The following PDE1C variants were observed in gnomAD, a reference collection of about 807,000 sequenced individuals.
PDE1C encodes the protein phosphodiesterase 1C.
PDE1C carries 62 observed loss-of-function variants against 93.1 expected under a neutral mutation model. The observed-to-expected ratio is 0.67, with a 90% CI of 0.54 to 0.82. The LOEUF (loss-of-function observed/expected upper bound fraction) is 0.82, where lower values mean the gene tolerates loss of function less well. Among genes scored for constraint, PDE1C ranks in the 40% least tolerant of loss-of-function variants. The pLI is 0.00. For missense variants in PDE1C, 742 were observed against 884.6 expected (o/e 0.84, Z 2.04); for synonymous variants, 325 against 310.1 (o/e 1.05, Z -0.50).
chr7:32,109,775 T>C (rs1019150735), intron 3 of PDE1C, among the ~76,000 whole-genome samples: 8 of 119,012 alleles, frequency 6.7e-5, no homozygotes, highest in African/African-American at 9.5e-5. Flanking sequence ...TTCATTTCAT[T>C]TCTTTTCTTT....
At chr7:31,967,229 G>A (rs1395368479) in intron 2 of PDE1C, among the ~76,000 whole-genome samples, 3 of 152,018 alleles carry the variant, frequency 2.0e-5, no homozygotes, top group Admixed American at 6.6e-5. Context: ...TAATAAAGAA[G>A]AAAAGAGAGA....
chr7:32,391,802 G>A (rs111708137), intron 1 of PDE1C, among the ~76,000 whole-genome samples: 28 of 152,078 alleles, frequency 1.8e-4, no homozygotes, highest in Non-Finnish European at 3.4e-4. Context: ...GAAAATGAAA[G>A]CATACTATAT....
rs1449599721 is a variant in PDE1C, at chr7:31,965,672, T to C, written c.129-84812A>G. 2.0e-5 allele frequency among the ~76,000 whole-genome samples: 3 copies of C among 151,988 alleles called. No individual in the cohort carries two copies. In the East Asian group the frequency reaches 5.8e-4, roughly 29 times the overall value. On this transcript the variant is annotated intron_variant, in intron 2 of 17. Transcript: ENST00000396191. ...ACATAATTGTCAGATTCACCAAAGA[T>C]GAAATGAAAGAAAAAATGTTAAGGG...
intron 2 of PDE1C, among the ~76,000 whole-genome samples, chr7:32,024,539 C>A (rs1477416849): frequency 6.6e-6 from 1 of 151,978 alleles, no homozygotes; most frequent in Non-Finnish European, 1.5e-5. Context: ...CTTAATTCCT[C>A]ACTCTCTTAC....
chr7:32,113,321 TTA>T (rs1187040105), intron 3 of PDE1C, among the ~76,000 whole-genome samples: 7 of 143,566 alleles, frequency 4.9e-5, no homozygotes, highest in South Asian at 2.2e-4. Context: ...TATATAAATA[TTA>T]TATATATATA....
chr7:32,083,726 C>T (rs1177465833), intron 3 of PDE1C, among the ~76,000 whole-genome samples: 1 of 151,902 alleles, frequency 6.6e-6, no homozygotes, highest in African/African-American at 2.4e-5. Context: ...AATTTTCAAC[C>T]CAGAATTTCA....
At chr7:31,854,706 AG>A (rs1793777868) in intron 7 of PDE1C, among the ~76,000 whole-genome samples, 1 of 152,300 alleles carries the variant, frequency 6.6e-6, no homozygotes, top group Admixed American at 6.5e-5. Flanking sequence ...TGTGAATGAT[AG>A]AGTTTCTTTA....
At chr7:31,790,232 C>T in intron 16 of PDE1C, 1 of 1,612,590 alleles carries the variant, frequency 6.2e-7, no homozygotes, top group East Asian at 2.2e-5. Flanking sequence ...CTTTTATTGT[C>T]TATGAGGTCT....
chr7:32,020,094 C>T (rs763398822), intron 2 of PDE1C, among the ~76,000 whole-genome samples: 4 of 152,026 alleles, frequency 2.6e-5, no homozygotes, highest in African/African-American at 9.7e-5. Context: ...GAGCCCATGC[C>T]GGGATCCCTC....
chr7:32,378,623 A>C (rs1247639984), intron 1 of PDE1C, among the ~76,000 whole-genome samples: 1 of 152,038 alleles, frequency 6.6e-6, no homozygotes, highest in Non-Finnish European at 1.5e-5. Flanking sequence ...TTGCCTTTTG[A>C]GATGTCTTTT....
chr7:32,282,621 G>A (rs1322830449), intron 1 of PDE1C, among the ~76,000 whole-genome samples: 53 of 106,682 alleles, frequency 5.0e-4, no homozygotes, highest in Non-Finnish European at 6.3e-4. Context: ...TCTCTCTGTC[G>A]CCCAGGCTGG....
chr7:31,710,360 A>G, the PDE1C span, among the ~76,000 whole-genome samples: 1 of 152,196 alleles, frequency 6.6e-6, no homozygotes, highest in Non-Finnish European at 1.5e-5. Flanking sequence ...AGCTTCACAC[A>G]AAGCCTTTCT....
At chr7:32,150,314 G>A (rs914045955) in intron 3 of PDE1C, among the ~76,000 whole-genome samples, 2 of 152,188 alleles carry the variant, frequency 1.3e-5, no homozygotes, top group African/African-American at 4.8e-5. Flanking sequence ...TAAGTCCTCA[G>A]TGATAAAGAG....
intron 1 of PDE1C, among the ~76,000 whole-genome samples, chr7:32,292,782 C>A (rs773516262): frequency 6.6e-6 from 1 of 152,152 alleles, no homozygotes; most frequent in Non-Finnish European, 1.5e-5. Context: ...AGCTCAGGAC[C>A]GTCATTCCTT....
chr7:31,915,747 T>G (rs897362713), intron 2 of PDE1C, among the ~76,000 whole-genome samples: 17 of 152,158 alleles, frequency 1.1e-4, no homozygotes, highest in Non-Finnish European at 2.2e-4. Context: ...TAAATGTTAT[T>G]GTTTGTATTT....
intron 6 of PDE1C, among the ~76,000 whole-genome samples, chr7:31,867,674 C>T (rs560812456): frequency 6.6e-6 from 1 of 152,324 alleles, no homozygotes; most frequent in South Asian, 2.1e-4. Context: ...GCCCCCAATC[C>T]ACTTGGCCCA....
chr7:32,139,827 T>C (rs1382651689), intron 3 of PDE1C, among the ~76,000 whole-genome samples: 2 of 152,112 alleles, frequency 1.3e-5, no homozygotes, highest in Admixed American at 6.6e-5. Flanking sequence ...GGAAGAGATA[T>C]CTCATCTTCT....
intron 3 of PDE1C, among the ~76,000 whole-genome samples, chr7:32,084,229 C>A (rs1184171154): frequency 6.6e-6 from 1 of 151,912 alleles, no homozygotes; most frequent in African/African-American, 2.4e-5. Flanking sequence ...AGACTTTAAA[C>A]CAACAAAGAT....
chr7:32,278,072 CA>C (rs35853359), intron 1 of PDE1C, among the ~76,000 whole-genome samples: 20 of 109,134 alleles, frequency 1.8e-4, no homozygotes, highest in Non-Finnish European at 1.8e-4. Context: ...GATTATATAG[CA>C]AAAAAAAAAG....
Sources: gnomAD v4.1 joint callset for allele counts (sites outside exome capture counted in the v4.1 genomes callset) on GRCh38, gnomAD v4.1.1 for gene constraint, MANE v1.5 for transcripts, NCBI Gene and HGNC (gene_info 2026-07-23, HGNC 2026-07-21) for gene names.